Variants in ANO2 observed in about 807,000 individuals in gnomAD.
ANO2 encodes anoctamin 2.
ANO2 carries 101 observed loss-of-function variants against 124.2 expected under a neutral mutation model. That is an observed-to-expected ratio of 0.81 (90% CI 0.69 to 0.96). The LOEUF is 0.96. Ranked by LOEUF, ANO2 falls within the 40% of genes least tolerant of loss-of-function variation. ANO2 has a pLI of 0.00. For missense variants in ANO2, 1,293 were observed against 1,274.5 expected, an observed-to-expected ratio of 1.01 and a Z score of -0.22; for synonymous variants, 486 against 482.5, an observed-to-expected ratio of 1.01 and a Z score of -0.09.
intron 15 of ANO2, among the ~76,000 whole-genome samples, chr12:5,646,849 C>A (rs1317299992): frequency 6.6e-6 from 1 of 152,182 alleles, no homozygotes; most frequent in East Asian, 1.9e-4. Flanking sequence ...GAGACGAAAA[C>A]ACAATTCCTG....
At chr12:5,765,593 T>C (rs1951867188) in intron 10 of ANO2, among the ~76,000 whole-genome samples, 1 of 152,216 alleles carries the variant, frequency 6.6e-6, no homozygotes, top group Non-Finnish European at 1.5e-5. Context: ...GGAAAGTCTC[T>C]CCTCAAGTTC....
At chr12:5,874,052 T>C (rs1308282316) in intron 3 of ANO2, among the ~76,000 whole-genome samples, 1 of 152,202 alleles carries the variant, frequency 6.6e-6, no homozygotes, top group Non-Finnish European at 1.5e-5. Context: ...GTCCTCAGTA[T>C]GAACAAGGAG....
chr12:5,844,512 C>T (rs1261037181), intron 4 of ANO2, among the ~76,000 whole-genome samples: 1 of 152,168 alleles, frequency 6.6e-6, no homozygotes, highest in African/African-American at 2.4e-5. Flanking sequence ...ACATCAATAA[C>T]AGAGGAAAAA....
chr12:5,863,691 C>T lies in ANO2; in HGVS notation c.535-9550G>A, dbSNP rs1591712097. ...ATGTCAAAACTCAACAGATTGGATA[C>T]TTTAAATATGTGCAGTTTATTATAC... On this transcript the variant is annotated intron_variant, in intron 3 of 24. Coordinates refer to ENST00000682330, the MANE Select transcript of ANO2 (RefSeq NM_001364791.2). Among the ~76,000 whole-genome samples the T allele has an allele frequency of 2.0e-5, 3 of 151,862 alleles. No homozygotes were observed. In the East Asian group the frequency reaches 5.8e-4, roughly 29 times the overall value.
At chr12:5,854,201 G>A in intron 3 of ANO2, 60 bp from the exon 4 acceptor site, 1 of 1,487,388 alleles carries the variant, frequency 6.7e-7, no homozygotes, top group African/African-American at 1.4e-5. Flanking sequence ...TTAAACTCCT[G>A]GTTCTTCAAC....
At chr12:5,910,543 T>G (rs950430707) in intron 3 of ANO2, among the ~76,000 whole-genome samples, 1 of 152,204 alleles carries the variant, frequency 6.6e-6, no homozygotes, top group African/African-American at 2.4e-5. Flanking sequence ...TTTGCCTATA[T>G]TATTAATTGA....
chr12:5,920,200 A>G (rs1273057024), intron 3 of ANO2, among the ~76,000 whole-genome samples: 2 of 152,038 alleles, frequency 1.3e-5, no homozygotes, highest in African/African-American at 2.4e-5. Flanking sequence ...GAGAGTATCT[A>G]TAGCTTATAG....
intron 3 of ANO2, among the ~76,000 whole-genome samples, chr12:5,913,466 G>A (rs1941177802): frequency 6.6e-6 from 1 of 152,358 alleles, no homozygotes; most frequent in Non-Finnish European, 1.5e-5. Flanking sequence ...TTCTGGAAAG[G>A]AAGAATAGGT....
chr12:5,931,263 C>T (rs1048740810), intron 1 of ANO2, among the ~76,000 whole-genome samples: 2 of 152,034 alleles, frequency 1.3e-5, no homozygotes, highest in African/African-American at 2.4e-5. Context: ...TCCCCCTATA[C>T]CCCCATTACC....
At chr12:5,770,102 G>C (rs1229259067) in intron 10 of ANO2, among the ~76,000 whole-genome samples, 1 of 152,182 alleles carries the variant, frequency 6.6e-6, no homozygotes, top group East Asian at 1.9e-4. Flanking sequence ...AATCTGTTGA[G>C]GGAGAAAAGC....
intron 19 of ANO2, among the ~76,000 whole-genome samples, chr12:5,610,511 T>C (rs1944459170): frequency 7.1e-6 from 1 of 140,292 alleles, no homozygotes; most frequent in African/African-American, 2.6e-5. Context: ...TATAAATTTA[T>C]ATACAAATTT....
At chr12:5,589,118 T>G (rs551336281) in intron 20 of ANO2, among the ~76,000 whole-genome samples, 14 of 152,342 alleles carry the variant, frequency 9.2e-5, no homozygotes, top group Admixed American at 7.8e-4. Flanking sequence ...TAGTTATCCA[T>G]GGAGACGGCA....
chr12:5,732,628 T>C lies in ANO2; in HGVS notation c.1437A>G (p.Glu479=), dbSNP rs1950690324. The C allele has an allele frequency of 6.2e-7, 1 of 1,612,750 alleles. No individual in the cohort carries two copies. Among genetic ancestry groups the C allele is most frequent in the Non-Finnish European group, 8.5e-7 (1 of 1,179,158 alleles). ...WDLTGIEEEE[E]HSRPEYETKV... ...TGGTTTCATACTCAGGCCTGGAATG[T>C]TCCTAAACCAAAGAGCAGTGAGTGG... The change falls in exon 14 of 25, where the codon GAA becomes GAG. Residue 479 remains glutamate, a splice_region_variant and synonymous_variant. Transcript: ENST00000682330.
At chr12:5,574,719 G>T (rs1414655595) in intron 23 of ANO2, among the ~76,000 whole-genome samples, 1 of 152,140 alleles carries the variant, frequency 6.6e-6, no homozygotes, top group Non-Finnish European at 1.5e-5. Flanking sequence ...TGCGCTCCCT[G>T]GGTCCTACCA....
chr12:5,594,681 C>T (rs560952500), intron 20 of ANO2, among the ~76,000 whole-genome samples: 4 of 152,132 alleles, frequency 2.6e-5, no homozygotes, highest in East Asian at 1.9e-4. Context: ...ACAAAAAAAT[C>T]AAACAAATTA....
At position 5,769,816 on chromosome 12, in the gene ANO2, A is replaced by C. The variant is rs1426097864; in HGVS notation, c.1056-18846T>G. The stretch of plus-strand genomic sequence containing the variant: ...AATCTAAGTGGATACAGGTGTTTGC[A>C]AACAAATGGCTTGTGAAGGGTCCTT... On this transcript the variant is annotated intron_variant, in intron 10 of 24. Coordinates refer to ENST00000682330, the MANE Select transcript of ANO2 (RefSeq NM_001364791.2). The surrounding 1 kb of genome is among the most constrained non-coding windows in gnomAD (Gnocchi z 4.0). Among the ~76,000 whole-genome samples the C allele has an allele frequency of 6.6e-6, 1 of 152,204 alleles. No individual in the cohort carries two copies. Among genetic ancestry groups the C allele is most frequent in the African/African-American group, 2.4e-5 (1 of 41,462 alleles).
intron 13 of ANO2, among the ~76,000 whole-genome samples, chr12:5,734,647 C>T (rs1048189251): frequency 2.6e-5 from 4 of 151,288 alleles, no homozygotes; most frequent in East Asian, 1.9e-4. Flanking sequence ...TCTTTTTTTT[C>T]TTTCTTTTTT....
At position 5,576,000 on chromosome 12, in the gene ANO2, T is replaced by G; in HGVS notation, c.2455A>C (p.Ile819Leu). The G allele has an allele frequency of 6.2e-7, 1 of 1,607,514 alleles. No homozygotes were observed. ...AGGCGGGGGATAAAGTCGGAGGTGA[T>G]CGCAATGACAAAAGCCTGAGGGACA... ...SVISNAFVIA[I>L]TSDFIPRLVY... The change falls in exon 23 of 25, where the codon ATC (isoleucine) becomes CTC (leucine). Residue 819 changes from isoleucine (I) to leucine (L), a missense_variant. Coordinates refer to ENST00000682330, the MANE Select transcript of ANO2 (RefSeq NM_001364791.2).
intron 10 of ANO2, among the ~76,000 whole-genome samples, chr12:5,799,057 T>G (rs1398254990): frequency 6.6e-6 from 1 of 152,196 alleles, no homozygotes; most frequent in Non-Finnish European, 1.5e-5. Context: ...GGAAAAGCCA[T>G]AAAAAGTCCA....
Sources: allele counts gnomAD v4.1 joint callset (sites outside exome capture counted in the v4.1 genomes callset), GRCh38; gene constraint gnomAD v4.1.1; non-coding constraint Gnocchi (gnomAD v3.1); transcripts MANE v1.5; gene names NCBI Gene and HGNC (gene_info 2026-07-23, HGNC 2026-07-21).